GSG1L2: variants seen among roughly 807,000 people sequenced by gnomAD.
The protein encoded by GSG1L2 is germ cell-specific gene 1-like protein 2.
A neutral mutation model predicts 9.0 loss-of-function variants in GSG1L2; 15 were observed. The observed-to-expected ratio is 1.67, with a 90% confidence interval of 1.12 to 2.57. The LOEUF (loss-of-function observed/expected upper bound fraction) is 2.57, where lower values mean the gene tolerates loss of function less well. Ranked by LOEUF, GSG1L2 falls within the 30% of genes most tolerant of loss-of-function variation. The pLI is 0.00. For synonymous variants in GSG1L2, 127 were observed against 57.9 expected, an observed-to-expected ratio of 2.19 and a Z score of -5.41; for missense variants, 286 against 150.3, an observed-to-expected ratio of 1.90 and a Z score of -4.72.
intron 1 of GSG1L2, among the ~76,000 whole-genome samples, chr17:9,816,856 C>CTGTGTGTGTCTGTGTG (rs535986923): frequency 1.7e-4 from 6 of 36,020 alleles, no homozygotes; most frequent in Admixed American, 4.7e-4. Flanking sequence ...TTCTGTGTAT[C>CTGTGTGTGTCTGTGTG]TGTATGTGTG....
chr17:9,816,741 G>A (rs947699538), intron 1 of GSG1L2, among the ~76,000 whole-genome samples: 1 of 139,452 alleles, frequency 7.2e-6, no homozygotes, highest in South Asian at 2.4e-4. Flanking sequence ...GTGCATGTGT[G>A]TATCTGTGTG....
intron 1 of GSG1L2, among the ~76,000 whole-genome samples, chr17:9,814,386 C>T (rs899861848): frequency 2.4e-4 from 37 of 152,260 alleles, no homozygotes; most frequent in African/African-American, 7.7e-4. Flanking sequence ...TTTTCTGAAT[C>T]GCTTCTTGTC....
chr17:9,810,478 C>T (rs1427182238), intron 2 of GSG1L2, 93 bp downstream of exon 2: 3 of 677,144 alleles, frequency 4.4e-6, no homozygotes, highest in Admixed American at 4.3e-5. Flanking sequence ...TCATCAATGA[C>T]TCCCTCATCA....
chr17:9,809,004 G>A (rs1021756131), intron 2 of GSG1L2, 22 bp from the exon 3 acceptor site: 1 of 702,842 alleles, frequency 1.4e-6, no homozygotes, highest in East Asian at 2.7e-5. Context: ...CGGGATGTTG[G>A]AAACGCTGGA....
At chr17:9,809,106 T>C (rs1458965912) in intron 2 of GSG1L2, 124 bp from the exon 3 acceptor site, 2 of 632,728 alleles carry the variant, frequency 3.2e-6, no homozygotes, top group East Asian at 2.8e-5. Context: ...GGAGTGAAAA[T>C]CACAGATGCC....
rs2066535514 is a variant in GSG1L2, at chr17:9,810,635, A to C, written c.311-17T>G. On this transcript the variant is annotated splice_polypyrimidine_tract_variant and intron_variant, in intron 1 of 4. Transcript: ENST00000399363. ...ACTTTTCATCTGAAAGATAAAGAGA[A>C]TGCATCCAGAAGTGGGTTACACTTC... is the stretch of plus-strand genomic sequence containing the variant. 1.4e-6 allele frequency: 1 copy of C among 703,048 alleles called. No individual in the cohort carries two copies. The highest frequency in any genetic ancestry group is 1.7e-5 in the African/African-American group (1 of 57,400). The allele number at this position is 703,048 out of a possible 1,614,324, so 43.6% of individuals were successfully genotyped here. A position where few individuals can be genotyped will look rare whatever the true frequency, so the allele number is the denominator to read the frequency against.
chr17:9,802,240 A>G lies in GSG1L2; in HGVS notation c.*146T>C, dbSNP rs1336163887. 1.8e-6 allele frequency: 1 copy of G among 546,968 alleles called. No homozygotes were observed. The highest frequency in any genetic ancestry group is 3.3e-6 in the Non-Finnish European group (1 of 307,532). The allele number at this position is 546,968 out of a possible 1,614,324, so 33.9% of individuals were successfully genotyped here. On this transcript the variant is annotated 3_prime_UTR_variant, in exon 5 of 5. Coordinates refer to ENST00000399363, the MANE Select transcript of GSG1L2 (RefSeq NM_001310219.2). ...TCAAAGGCTAAAGCCAAAGGTGTTT[A>G]GTAAAAGGTGAGATGTGGAGGGGTG...
At chr17:9,821,208 C>T (rs1801867067) in intron 1 of GSG1L2, among the ~76,000 whole-genome samples, 1 of 152,154 alleles carries the variant, frequency 6.6e-6, no homozygotes, top group Non-Finnish European at 1.5e-5. Flanking sequence ...CGCGGGCTTA[C>T]AGCCAGGCTG....
rs545143341 is a variant in GSG1L2, at chr17:9,810,782, C to T, written c.311-164G>A. ...CTCTGTGTGGGAGCCTGATATAATC[C>T]ACCCTATTGGACTCTGGCTTGGCCA... On this transcript the variant is annotated intron_variant, in intron 1 of 4. Transcript: ENST00000399363. The T allele has an allele frequency of 2.5e-4, 158 of 622,288 alleles. 3 individuals are homozygous for T. Among genetic ancestry groups the T allele is most frequent in the South Asian group, 2.4e-3 (127 of 52,560 alleles). 38.5% of individuals were successfully genotyped at this position (622,288 alleles called of 1,614,324 possible). A position where few individuals can be genotyped will look rare whatever the true frequency, so the allele number is the denominator to read the frequency against.
chr17:9,814,027 C>T lies in GSG1L2; in HGVS notation c.311-3409G>A, dbSNP rs575332811. 1.3e-4 allele frequency among the ~76,000 whole-genome samples: 20 copies of T among 151,938 alleles called. No homozygotes were observed. In the East Asian group the frequency reaches 2.1e-3, roughly 16 times the overall value. On this transcript the variant is annotated intron_variant, in intron 1 of 4. Transcript: ENST00000399363. ...TTGGCTCACTGCAACCTCTGCCTCC[C>T]GGGTTCAAGCGATTCTCCTGCCTCA...
intron 1 of GSG1L2, among the ~76,000 whole-genome samples, chr17:9,816,898 GTGTGTGTGTATC>G (rs1352296537): frequency 1.5e-4 from 18 of 120,140 alleles, no homozygotes; most frequent in Middle Eastern, 3.9e-3. Context: ...GTGTGTATCT[GTGTGTGTGTATC>G]TGTGTGTGTG....
rs1395074669 is a variant in GSG1L2 at position 9,821,966 on chromosome 17, G to A, written c.106C>T (p.Arg36Ter). 2.7e-5 allele frequency: 19 copies of A among 702,962 alleles called. No individual in the cohort carries two copies. The highest frequency in any genetic ancestry group is 5.9e-5 in the South Asian group (4 of 67,602). 43.5% of individuals were successfully genotyped at this position (702,962 alleles called of 1,614,324 possible). The change falls in exon 1 of 5, where the codon CGA (arginine) becomes TGA (stop). Residue 36 changes from arginine to a stop codon, truncating the protein, a stop_gained. Coordinates refer to ENST00000399363, the MANE Select transcript of GSG1L2 (RefSeq NM_001310219.2). LOFTEE classifies it high-confidence loss of function. ...VVSSHWCEGT[R>*]RVVKPLCQDQ... Reference sequence around the variant, plus strand: ...TGGCACAGTGGCTTCACCACCCGTCGGGTCCCCTCACACCAGTGGCTGCTG... The same window carrying A: ...TGGCACAGTGGCTTCACCACCCGTCAGGTCCCCTCACACCAGTGGCTGCTG...
chr17:9,804,227 G>A (rs1202833104), intron 4 of GSG1L2: 2 of 152,242 alleles, frequency 1.3e-5, no homozygotes, highest in Admixed American at 6.5e-5. Context: ...CAAGAAGGAT[G>A]CCTGTTATAT....
rs543330259 is a variant in GSG1L2 at position 9,820,587 on chromosome 17, T to A, written c.310+1175A>T. Among the ~76,000 whole-genome samples the A allele has an allele frequency of 6.6e-6, 1 of 151,876 alleles. No homozygotes were observed. Among genetic ancestry groups the A allele is most frequent in the Non-Finnish European group, 1.5e-5 (1 of 67,976 alleles). On this transcript the variant is annotated intron_variant, in intron 1 of 4. Coordinates refer to ENST00000399363, the MANE Select transcript of GSG1L2 (RefSeq NM_001310219.2). The surrounding 1 kb of genome is among the most constrained non-coding windows in gnomAD (Gnocchi z 4.9). ...GGATACATGGGAGGTTCAGTCAGGC[T>A]GGGTACTGCCCCACATTGGCCACCA...
chr17:9,808,194 A>G (rs2066523403), intron 3 of GSG1L2, among the ~76,000 whole-genome samples: 1 of 152,184 alleles, frequency 6.6e-6, no homozygotes, highest in African/African-American at 2.4e-5. Context: ...CAGTTTGAGG[A>G]CTAAAGGAAG....
chr17:9,818,153 C>T (rs1375366437), intron 1 of GSG1L2, among the ~76,000 whole-genome samples: 1 of 152,120 alleles, frequency 6.6e-6, no homozygotes, highest in Non-Finnish European at 1.5e-5. Context: ...AATTGGCTCA[C>T]GGTTCTGCTG....
At chr17:9,818,219 A>G (rs8067825) in intron 1 of GSG1L2, among the ~76,000 whole-genome samples, 82,481 of 152,056 alleles carry the variant, frequency 0.54, 23,656 homozygotes, top group East Asian at 0.99. Context: ...GGCCTGGGGA[A>G]ACTTCCAATC....
chr17:9,820,505 C>T lies in GSG1L2; in HGVS notation c.310+1257G>A, dbSNP rs1362169149. Reference sequence around the variant, plus strand: ...TGGAGGTCCTAAATAGCCTTAGCTCCAGGCACTATTGCAGTGTCTGTACCA... The same window carrying T: ...TGGAGGTCCTAAATAGCCTTAGCTCTAGGCACTATTGCAGTGTCTGTACCA... On this transcript the variant is annotated intron_variant, in intron 1 of 4. Transcript: ENST00000399363. The surrounding 1 kb of genome is among the most constrained non-coding windows in gnomAD (Gnocchi z 4.9). Among the ~76,000 whole-genome samples, 2 of 152,144 alleles carry T rather than the reference C, an allele frequency of 1.3e-5. No individual in the cohort carries two copies. The highest frequency in any genetic ancestry group is 2.9e-5 in the Non-Finnish European group (2 of 68,034).
intron 1 of GSG1L2, 126 bp downstream of exon 1, chr17:9,821,636 G>C (rs1168838747): frequency 3.1e-6 from 2 of 635,456 alleles, no homozygotes; most frequent in Non-Finnish European, 5.7e-6. Flanking sequence ...CCTGGCTCCA[G>C]AGCCCCTGCA....
Sources: allele counts gnomAD v4.1 joint callset (sites outside exome capture counted in the v4.1 genomes callset), GRCh38; gene constraint gnomAD v4.1.1; non-coding constraint Gnocchi (gnomAD v3.1); transcripts MANE v1.5; gene names NCBI Gene and HGNC (gene_info 2026-07-23, HGNC 2026-07-21).